Variants in EYS observed in about 807,000 individuals in gnomAD.
The protein encoded by EYS is EGF-like photoreceptor maintenance factor.
EYS carries 250 observed loss-of-function variants against 282.1 expected under a neutral mutation model. That is an observed-to-expected ratio of 0.89 (90% CI 0.80 to 0.98). EYS has a LOEUF of 0.98. EYS is among the 50% of genes least tolerant of loss of function. The pLI, the probability that EYS is intolerant of heterozygous loss-of-function variation, is 0.00. For missense variants in EYS, 4,016 were observed against 3,709.0 expected, an observed-to-expected ratio of 1.08 and a Z score of -2.15; for synonymous variants, 1,355 against 1,282.9, an observed-to-expected ratio of 1.06 and a Z score of -1.20.
intron 22 of EYS, among the ~76,000 whole-genome samples, chr6:64,812,173 A>C (rs1764616601): frequency 6.6e-6 from 1 of 151,892 alleles, no homozygotes; most frequent in Non-Finnish European, 1.5e-5. Context: ...TATTTTATCA[A>C]TCTACAAAAG....
intron 32 of EYS, among the ~76,000 whole-genome samples, chr6:64,080,468 A>T (rs1417246842): frequency 6.6e-6 from 1 of 152,102 alleles, no homozygotes; most frequent in Non-Finnish European, 1.5e-5. Context: ...CCTTTGTCAG[A>T]TGAGTAGATT....
chr6:64,054,403 G>A (rs955045603), intron 33 of EYS, among the ~76,000 whole-genome samples: 2 of 152,120 alleles, frequency 1.3e-5, no homozygotes, highest in African/African-American at 2.4e-5. Flanking sequence ...GGAAAATGTA[G>A]GACTCTGTTT....
intron 24 of EYS, among the ~76,000 whole-genome samples, chr6:64,593,763 T>A (rs1198317508): frequency 6.6e-6 from 1 of 152,148 alleles, no homozygotes; most frequent in African/African-American, 2.4e-5. Flanking sequence ...TGCAAATTAT[T>A]TTAGTTTGTA....
At chr6:65,285,512 C>A (rs2150278863) in intron 12 of EYS, among the ~76,000 whole-genome samples, 1 of 151,944 alleles carries the variant, frequency 6.6e-6, no homozygotes, top group Admixed American at 6.6e-5. Flanking sequence ...GATTAGAAAT[C>A]TTTTAAGAAG....
rs565521018 is a variant in EYS, at chr6:63,892,733, G to A, written c.7056-28375C>T. 1.1e-4 allele frequency among the ~76,000 whole-genome samples: 17 copies of A among 152,202 alleles called. No homozygotes were observed. The South Asian group carries it at 3.5e-3, about 32-fold the overall frequency. ...ACAAAAGCCAAAATGGACAAATGGG[G>A]TCTAATTAAACTAAAGAGCTTCTGT... On this transcript the variant is annotated intron_variant, in intron 35 of 42. Transcript: ENST00000503581.
intron 31 of EYS, among the ~76,000 whole-genome samples, chr6:64,181,566 G>T (rs762683861): frequency 6.6e-6 from 1 of 151,992 alleles, no homozygotes; most frequent in Non-Finnish European, 1.5e-5. Context: ...TAATGCAAAT[G>T]AATCACCTTT....
At chr6:63,887,200 C>T (rs1445441850) in intron 35 of EYS, among the ~76,000 whole-genome samples, 1 of 151,770 alleles carries the variant, frequency 6.6e-6, no homozygotes, top group Non-Finnish European at 1.5e-5. Flanking sequence ...CAGGGACATG[C>T]TACAGTTTCA....
intron 22 of EYS, among the ~76,000 whole-genome samples, chr6:64,745,382 T>A (rs1772522026): frequency 6.6e-6 from 1 of 152,196 alleles, no homozygotes; most frequent in Admixed American, 6.5e-5. Flanking sequence ...CAGTTTATTT[T>A]GTTAATGAAT....
intron 22 of EYS, among the ~76,000 whole-genome samples, chr6:64,702,187 G>A (rs1770815903): frequency 6.6e-6 from 1 of 151,906 alleles, no homozygotes; most frequent in South Asian, 2.1e-4. Flanking sequence ...GCGTGTCTAT[G>A]AAAGAAACAC....
intron 35 of EYS, among the ~76,000 whole-genome samples, chr6:63,873,003 T>A (rs1292761830): frequency 1.0e-5 from 1 of 97,230 alleles, no homozygotes; most frequent in South Asian, 4.1e-4. Context: ...TCTTTTTTTG[T>A]TTTTTATTTT....
At chr6:63,859,703 G>A (rs943771415) in intron 36 of EYS, among the ~76,000 whole-genome samples, 6 of 151,620 alleles carry the variant, frequency 4.0e-5, no homozygotes, top group African/African-American at 1.5e-4. Context: ...AAGTGTGAAT[G>A]AGGAGCACAA....
chr6:63,794,560 T>C (rs953238857), intron 37 of EYS, among the ~76,000 whole-genome samples: 2 of 152,220 alleles, frequency 1.3e-5, no homozygotes, highest in Non-Finnish European at 2.9e-5. Context: ...AATGGGACGT[T>C]CTTGGCTTAA....
chr6:64,884,046 T>C (rs1767006974), intron 19 of EYS, among the ~76,000 whole-genome samples: 2 of 151,612 alleles, frequency 1.3e-5, no homozygotes, highest in African/African-American at 2.4e-5. Context: ...AATGAAGAAG[T>C]ATCGAGTTAA....
At chr6:64,655,696 T>C (rs1768719927) in intron 22 of EYS, among the ~76,000 whole-genome samples, 2 of 152,004 alleles carry the variant, frequency 1.3e-5, no homozygotes, top group Non-Finnish European at 2.9e-5. Flanking sequence ...TTTCTATATA[T>C]ATAATAAGTC....
intron 19 of EYS, among the ~76,000 whole-genome samples, chr6:64,843,003 A>T (rs973262722): frequency 4.6e-5 from 7 of 152,232 alleles, no homozygotes; most frequent in African/African-American, 1.7e-4. Flanking sequence ...GGCATGTCAT[A>T]GGTCTCATGG....
chr6:64,383,696 T>G (rs1261856008), intron 29 of EYS, among the ~76,000 whole-genome samples: 1 of 152,226 alleles, frequency 6.6e-6, no homozygotes, highest in East Asian at 1.9e-4. Context: ...GTGCAGTGAT[T>G]CTCTTTTTAC....
chr6:64,446,652 A>G (rs1775126897), intron 26 of EYS, among the ~76,000 whole-genome samples: 1 of 152,060 alleles, frequency 6.6e-6, no homozygotes, highest in Admixed American at 6.5e-5. Context: ...TCTATATACA[A>G]GATTAAATGT....
At chr6:65,323,564 C>T (rs1428779670) in intron 11 of EYS, among the ~76,000 whole-genome samples, 1 of 147,088 alleles carries the variant, frequency 6.8e-6, no homozygotes, top group Non-Finnish European at 1.5e-5. Flanking sequence ...TTAATCCATA[C>T]CGTGATTTTA....
chr6:63,990,407 A>G (rs1767552728), intron 34 of EYS, among the ~76,000 whole-genome samples: 2 of 151,818 alleles, frequency 1.3e-5, no homozygotes, highest in East Asian at 1.9e-4. Flanking sequence ...CCACTCCCCA[A>G]CATAGCATGG....
Sources: allele counts gnomAD v4.1 joint callset (sites outside exome capture counted in the v4.1 genomes callset), GRCh38; gene constraint gnomAD v4.1.1; transcripts MANE v1.5; gene names NCBI Gene and HGNC (gene_info 2026-07-23, HGNC 2026-07-21).